The following PDE1C variants were observed in gnomAD, a reference collection of about 807,000 sequenced individuals.
The protein encoded by PDE1C is dual specificity calcium/calmodulin-dependent 3',5'-cyclic nucleotide phosphodiesterase 1C.
In PDE1C, 62 loss-of-function variants were observed where a neutral mutation model predicts 93.1. That is an observed-to-expected ratio of 0.67 (90% CI 0.54 to 0.82). PDE1C has a LOEUF of 0.82. Ranked by LOEUF, PDE1C falls within the 40% of genes least tolerant of loss-of-function variation. The pLI, the probability that PDE1C is intolerant of heterozygous loss-of-function variation, is 0.00. For synonymous variants in PDE1C, 325 were observed against 310.1 expected (o/e 1.05, Z -0.50); for missense variants, 742 against 884.6 (o/e 0.84, Z 2.04).
chr7:32,297,986 TC>T (rs1269256656), intron 1 of PDE1C, among the ~76,000 whole-genome samples: 125 of 56,024 alleles, frequency 2.2e-3, no homozygotes, highest in East Asian at 7.4e-3. Flanking sequence ...TCTCTCTCTC[TC>T]TCTCTCTCTC....
intron 2 of PDE1C, among the ~76,000 whole-genome samples, chr7:31,918,295 A>C (rs745391029): frequency 1.3e-5 from 2 of 152,184 alleles, no homozygotes; most frequent in Non-Finnish European, 2.9e-5. Flanking sequence ...AAGTTTTGGA[A>C]ACAGAATACC....
chr7:32,298,958 G>A, exon 1 of PDE1C: 1 of 1,308,600 alleles, frequency 7.6e-7, no homozygotes, highest in South Asian at 2.1e-5. Flanking sequence ...GGCAGGAGCC[G>A]TCGCGACTGC....
At chr7:32,183,496 G>A (rs1044377028) in intron 2 of PDE1C, among the ~76,000 whole-genome samples, 24 of 152,016 alleles carry the variant, frequency 1.6e-4, no homozygotes, top group East Asian at 5.8e-4. Context: ...AAATAATGCC[G>A]CATATCTACA....
At chr7:31,748,079 G>T (rs1548831), downstream of PDE1C, among the ~76,000 whole-genome samples, 33 of 152,082 alleles carry the variant, frequency 2.2e-4, no homozygotes, top group African/African-American at 7.5e-4. Flanking sequence ...TCCCTTTCAA[G>T]TTAAACTATA....
chr7:31,672,108 A>C, the PDE1C span, among the ~76,000 whole-genome samples: 1 of 152,176 alleles, frequency 6.6e-6, no homozygotes, highest in African/African-American at 2.4e-5. Context: ...AAAATGCTCA[A>C]AGCTGAACTG....
intron 16 of PDE1C, chr7:31,786,379 C>T (rs1177039683): frequency 1.5e-4 from 22 of 149,592 alleles, no homozygotes; most frequent in Admixed American, 1.4e-3. Flanking sequence ...GACAATTTCT[C>T]CCAAATTACC....
intron 1 of PDE1C, among the ~76,000 whole-genome samples, chr7:32,337,503 G>A (rs1019421740): frequency 6.6e-6 from 1 of 152,196 alleles, no homozygotes; most frequent in African/African-American, 2.4e-5. Context: ...GATCTGCAAA[G>A]AGGGAGATGG....
At chr7:31,876,606 A>T (rs1427362777) in intron 5 of PDE1C, among the ~76,000 whole-genome samples, 1 of 152,198 alleles carries the variant, frequency 6.6e-6, no homozygotes, top group Admixed American at 6.5e-5. Context: ...TAAGAGTTTG[A>T]TTGAACATTC....
chr7:32,145,041 T>C (rs1259642948), intron 3 of PDE1C, among the ~76,000 whole-genome samples: 1 of 152,216 alleles, frequency 6.6e-6, no homozygotes, highest in African/African-American at 2.4e-5. Flanking sequence ...ATTACTTTGA[T>C]TCAACAATGT....
intron 16 of PDE1C, among the ~76,000 whole-genome samples, chr7:31,776,685 T>G (rs1782995836): frequency 6.6e-6 from 1 of 152,062 alleles, no homozygotes; most frequent in Non-Finnish European, 1.5e-5. Context: ...ACATAAATAT[T>G]TATTTATTCA....
At chr7:31,844,489 C>T (rs950424271) in intron 9 of PDE1C, among the ~76,000 whole-genome samples, 2 of 151,686 alleles carry the variant, frequency 1.3e-5, no homozygotes, top group Admixed American at 6.6e-5. Context: ...CTATTGTTTT[C>T]TGGCCTCTAT....
upstream of PDE1C, among the ~76,000 whole-genome samples, chr7:32,303,502 T>G (rs752564743): frequency 1.3e-5 from 2 of 152,196 alleles, no homozygotes; most frequent in Non-Finnish European, 2.9e-5. Context: ...TGTTTCTGGA[T>G]GCAGTTCCTC....
At chr7:31,715,052 G>C in the PDE1C span, among the ~76,000 whole-genome samples, 1 of 152,008 alleles carries the variant, frequency 6.6e-6, no homozygotes, top group Non-Finnish European at 1.5e-5. Flanking sequence ...TAGCATGAGG[G>C]AAAAAAGCCA....
chr7:32,253,473 G>C (rs909587263), intron 1 of PDE1C, among the ~76,000 whole-genome samples: 3 of 152,186 alleles, frequency 2.0e-5, no homozygotes, highest in Non-Finnish European at 4.4e-5. Context: ...CACAATGAAT[G>C]AATCCCCAGA....
chr7:32,414,264 G>T (rs1387541400), intron 1 of PDE1C, among the ~76,000 whole-genome samples: 1 of 150,386 alleles, frequency 6.6e-6, no homozygotes, highest in Non-Finnish European at 1.5e-5. Context: ...GGGTAGAGGG[G>T]TAAATTATAC....
intron 3 of PDE1C, among the ~76,000 whole-genome samples, chr7:32,106,293 C>T (rs1798307616): frequency 6.6e-6 from 1 of 152,184 alleles, no homozygotes; most frequent in Admixed American, 6.5e-5. Context: ...ACAATACTGC[C>T]TCAGCCTCCT....
chr7:32,391,256 C>T (rs1179149244), intron 1 of PDE1C, among the ~76,000 whole-genome samples: 1 of 151,854 alleles, frequency 6.6e-6, no homozygotes, highest in East Asian at 1.9e-4. Flanking sequence ...AAAAATATTA[C>T]CAGAGCAAAA....
chr7:31,763,745 GTCA>G (rs1309359472), intron 17 of PDE1C, among the ~76,000 whole-genome samples: 4 of 152,192 alleles, frequency 2.6e-5, no homozygotes, highest in African/African-American at 9.6e-5. Context: ...AAGACAAAAG[GTCA>G]TCATTGCTGC....
chr7:32,070,505 G>A (rs1273354343), upstream of PDE1C: 1 of 1,528,654 alleles, frequency 6.5e-7, no homozygotes, highest in Admixed American at 2.0e-5. Context: ...CGTTTGCCCG[G>A]CACTTTCTCG....
Sources: allele counts gnomAD v4.1 joint callset (sites outside exome capture counted in the v4.1 genomes callset), GRCh38; gene constraint gnomAD v4.1.1; transcripts MANE v1.5; gene names NCBI Gene and HGNC (gene_info 2026-07-23, HGNC 2026-07-21).